Variants in DDX24 observed in about 807,000 individuals in gnomAD.
DDX24 encodes ATP-dependent RNA helicase DDX24.
A neutral mutation model predicts 68.9 loss-of-function variants in DDX24; 24 were observed. The observed-to-expected ratio is 0.35, with a 90% confidence interval of 0.25 to 0.49. The LOEUF (loss-of-function observed/expected upper bound fraction) is 0.49. Ranked by LOEUF, DDX24 falls within the 20% of genes least tolerant of loss-of-function variation. DDX24 has a pLI of 0.99. For synonymous variants in DDX24, 395 were observed against 385.2 expected (o/e 1.03, Z -0.30); for missense variants, 989 against 1,039.0 (o/e 0.95, Z 0.66).
In DDX24 at chr14:94,078,832, A is replaced by T. The variant is rs573923236; in HGVS notation, c.718+193T>A. ...GGGGTCTACAGAGCTGAGAGAGATA[A>T]AAGTGATCTGGCTAGGATACCATTC... On this transcript the variant is annotated intron_variant, in intron 2 of 8. Transcript: ENST00000621632. The T allele has an allele frequency of 1.3e-5, 8 of 612,762 alleles. No individual in the cohort carries two copies. The East Asian group carries it at 2.2e-4, about 17-fold the overall frequency. The allele number at this position is 612,762 out of a possible 1,614,324, so 38.0% of individuals were successfully genotyped here. A position where few individuals can be genotyped will look rare whatever the true frequency, so the allele number is the denominator to read the frequency against.
At chr14:94,074,345 C>A (rs976254274) in intron 2 of DDX24, among the ~76,000 whole-genome samples, 2 of 152,106 alleles carry the variant, frequency 1.3e-5, no homozygotes, top group Non-Finnish European at 2.9e-5. Context: ...CAAATCAAAT[C>A]CAACAAAATA....
chr14:94,054,589 C>G (rs1051662193), intron 7 of DDX24, among the ~76,000 whole-genome samples: 2 of 152,186 alleles, frequency 1.3e-5, no homozygotes, highest in African/African-American at 4.8e-5. Flanking sequence ...GGAATGCCTG[C>G]TGAGTTAAAA....
intron 3 of DDX24, 77 bp from the exon 4 acceptor site, chr14:94,061,143 A>T: frequency 1.3e-6 from 2 of 1,511,094 alleles, no homozygotes; most frequent in Non-Finnish European, 1.8e-6. Context: ...CAGGCACCCC[A>T]GATTAGCAGA....
intron 5 of DDX24, among the ~76,000 whole-genome samples, chr14:94,058,753 T>C (rs965573688): frequency 6.6e-6 from 1 of 152,174 alleles, no homozygotes; most frequent in African/African-American, 2.4e-5. Flanking sequence ...GCAATGCAAA[T>C]CCTAGTTTGT....
intron 2 of DDX24, among the ~76,000 whole-genome samples, chr14:94,075,884 T>C (rs1191777672): frequency 3.9e-5 from 6 of 152,174 alleles, no homozygotes; most frequent in Non-Finnish European, 5.9e-5. Flanking sequence ...ATGCTCTACA[T>C]TGCTAGTCAC....
intron 6 of DDX24, 189 bp downstream of exon 6, chr14:94,057,633 A>G: frequency 1.8e-6 from 1 of 553,726 alleles, no homozygotes; most frequent in Non-Finnish European, 3.2e-6. Context: ...ACATGAGACA[A>G]AGCAAGGTTT....
At chr14:94,057,968 G>C in intron 5 of DDX24, 71 bp from the exon 6 acceptor site, 1 of 1,433,286 alleles carries the variant, frequency 7.0e-7, no homozygotes, top group African/African-American at 1.4e-5. Context: ...ACCAACTGCT[G>C]AGCATCCTAA....
At chr14:94,063,700 G>T (rs893929166) in intron 2 of DDX24, among the ~76,000 whole-genome samples, 3 of 151,986 alleles carry the variant, frequency 2.0e-5, no homozygotes, top group African/African-American at 7.2e-5. Flanking sequence ...AGGTCTAGGC[G>T]GGAGGATCAA....
intron 5 of DDX24, among the ~76,000 whole-genome samples, chr14:94,058,140 T>C (rs1006256431): frequency 1.3e-5 from 2 of 152,030 alleles, no homozygotes; most frequent in Non-Finnish European, 2.9e-5. Context: ...CAACATGCCA[T>C]ACTCTGCAAT....
Position 94,051,020 on chromosome 14 carries a change from CT to C in DDX24, c.*170del. On this transcript the variant is annotated 3_prime_UTR_variant, in exon 9 of 9. Coordinates refer to ENST00000621632, the MANE Select transcript of DDX24 (RefSeq NM_020414.4). Reference sequence around the variant, plus strand: ...ATTAAGCTGCTGCATTGAATTCTTACTCCAAAACAATGCAAATCTGCATGAG... The same window carrying C: ...ATTAAGCTGCTGCATTGAATTCTTACCCAAAACAATGCAAATCTGCATGAG... The C allele has an allele frequency of 6.0e-6, 4 of 665,902 alleles. No individual in the cohort carries two copies. Among genetic ancestry groups the C allele is most frequent in the Non-Finnish European group, 9.2e-6 (4 of 434,566 alleles). The allele number at this position is 665,902 out of a possible 1,614,324, so 41.2% of individuals were successfully genotyped here. A position where few individuals can be genotyped will look rare whatever the true frequency, so the allele number is the denominator to read the frequency against.
At chr14:94,051,979 A>G (rs1054590084) in intron 8 of DDX24, among the ~76,000 whole-genome samples, 1 of 152,260 alleles carries the variant, frequency 6.6e-6, no homozygotes, top group Non-Finnish European at 1.5e-5. Context: ...AGAAGCTGGC[A>G]GAGCCAAAAG....
chr14:94,057,816 C>A lies in DDX24; in HGVS notation c.1989+6G>T, dbSNP rs1318501925. On this transcript the variant is annotated splice_donor_region_variant and intron_variant, in intron 6 of 8. Transcript: ENST00000621632. ...CAGATGCCTATAAATTTTCAGATGC[C>A]CCTACCTGGTAATGGATGACATGCT... 1.9e-6 allele frequency: 3 copies of A among 1,613,208 alleles called. No homozygotes were observed. The highest frequency in any genetic ancestry group is 1.7e-6 in the Non-Finnish European group (2 of 1,179,632).
In DDX24 at chr14:94,051,005, T is replaced by G. The variant is rs1885376149; in HGVS notation, c.*186A>C. ...CTGCAATACAGAAAAATTAAGCTGC[T>G]GCATTGAATTCTTACTCCAAAACAA... On this transcript the variant is annotated 3_prime_UTR_variant, in exon 9 of 9. Transcript: ENST00000621632. 9.4e-6 allele frequency: 5 copies of G among 530,974 alleles called. No individual in the cohort carries two copies. In the South Asian group the frequency reaches 2.2e-4, roughly 23 times the overall value. The allele number at this position is 530,974 out of a possible 1,614,324, so 32.9% of individuals were successfully genotyped here.
Position 94,048,299 on chromosome 14 carries a change from C to A in DDX24, c.*2892G>T, listed in dbSNP as rs188979656. The A allele has an allele frequency of 1.4e-3, 217 of 152,322 alleles. 2 individuals are homozygous for A. Among genetic ancestry groups the A allele is most frequent in the African/African-American group, 4.9e-3 (203 of 41,580 alleles). The allele number at this position is 152,322 out of a possible 1,614,324, so 9.4% of individuals were successfully genotyped here. ...TTGCTTTGAGAGCTTGTTTTTACAA[C>A]TGCATGTTTATTATGATACTTTCTC... On this transcript the variant is annotated 3_prime_UTR_variant, in exon 9 of 9. Transcript: ENST00000621632.
rs11418786 is a variant in DDX24, at chr14:94,049,732, T to TAA, written c.*1457_*1458dup. The stretch of plus-strand genomic sequence containing the variant: ...CAACATAGTGAGACCCCATCTCTAC[T>TAA]AAAAAAAAAAAATTCAGCCAGGTGT... On this transcript the variant is annotated 3_prime_UTR_variant, in exon 9 of 9. Transcript: ENST00000621632. 2,403 of 146,918 alleles carry TAA rather than the reference T, an allele frequency of 0.016. 72 individuals carry two copies. Among genetic ancestry groups the TAA allele is most frequent in the African/African-American group, 0.055 (2,180 of 39,996 alleles). The allele number at this position is 146,918 out of a possible 1,614,324, so 9.1% of individuals were successfully genotyped here.
intron 2 of DDX24, among the ~76,000 whole-genome samples, chr14:94,074,786 G>A (rs1341491348): frequency 6.6e-6 from 1 of 152,118 alleles, no homozygotes; most frequent in Admixed American, 6.5e-5. Context: ...AAATACCATG[G>A]AATCCTCAGA....
chr14:94,064,936 G>T (rs1382953554), intron 2 of DDX24, among the ~76,000 whole-genome samples: 1 of 152,186 alleles, frequency 6.6e-6, no homozygotes, highest in African/African-American at 2.4e-5. Context: ...GGTAGATAGT[G>T]TCTGAATTGA....
At chr14:94,066,585 A>G (rs539733987) in intron 2 of DDX24, among the ~76,000 whole-genome samples, 13 of 152,262 alleles carry the variant, frequency 8.5e-5, no homozygotes, top group South Asian at 6.2e-4. Flanking sequence ...AGAGTCCAAC[A>G]CACCCTCAGC....
intron 1 of DDX24, among the ~76,000 whole-genome samples, chr14:94,080,627 G>A (rs1402698967): frequency 6.6e-6 from 1 of 152,080 alleles, no homozygotes. Context: ...AAAAAAAACC[G>A]CTGAGCATGG....
Sources: gnomAD v4.1 joint callset for allele counts (sites outside exome capture counted in the v4.1 genomes callset) on GRCh38, gnomAD v4.1.1 for gene constraint, MANE v1.5 for transcripts, NCBI Gene and HGNC (gene_info 2026-07-23, HGNC 2026-07-21) for gene names.